Variants in THADA observed in about 807,000 individuals in gnomAD.
THADA encodes THADA armadillo repeat containing, also known as tRNA (32-2'-O)-methyltransferase regulator THADA.
A neutral mutation model predicts 219.8 loss-of-function variants in THADA; 213 were observed. The ratio of observed to expected loss-of-function variants is 0.97; its 90% CI spans 0.87 to 1.09. THADA has a LOEUF of 1.09. Ranked by LOEUF, THADA falls within the 50% of genes least tolerant of loss-of-function variation. The pLI, the probability that THADA is intolerant of heterozygous loss-of-function variation, is 0.00. For missense variants in THADA, 2,956 were observed against 2,311.3 expected (o/e 1.28, Z -5.72); for synonymous variants, 1,018 against 828.9 (o/e 1.23, Z -3.92).
At chr2:43,507,239 T>C (rs567986578) in intron 23 of THADA, among the ~76,000 whole-genome samples, 1 of 152,334 alleles carries the variant, frequency 6.6e-6, no homozygotes, top group Admixed American at 6.5e-5. Context: ...CCACGGCTTT[T>C]TTCTCCCAAA....
At chr2:43,522,749 TAACA>T (rs982062506) in intron 22 of THADA, among the ~76,000 whole-genome samples, 5 of 152,290 alleles carry the variant, frequency 3.3e-5, no homozygotes, top group African/African-American at 1.2e-4. Flanking sequence ...CAGGAATCAT[TAACA>T]AACACTTAGA....
At chr2:43,448,064 TCAAATATAATGC>T (rs1431527256) in intron 26 of THADA, among the ~76,000 whole-genome samples, 1 of 152,184 alleles carries the variant, frequency 6.6e-6, no homozygotes, top group Admixed American at 6.5e-5. Context: ...ATTACTTATT[TCAAATATAATGC>T]CAATTTTTAT....
intron 29 of THADA, among the ~76,000 whole-genome samples, chr2:43,384,439 G>A (rs1176106507): frequency 6.6e-6 from 1 of 152,128 alleles, no homozygotes; most frequent in African/African-American, 2.4e-5. Flanking sequence ...GGTGTGGATT[G>A]TAATTACATT....
chr2:43,371,389 C>T lies in THADA; in HGVS notation c.4227+26582G>A, dbSNP rs981708389. Among the ~76,000 whole-genome samples, 6 of 152,166 alleles carry T rather than the reference C, an allele frequency of 3.9e-5. No homozygotes were observed. The South Asian group carries it at 1.2e-3, about 32-fold the overall frequency. On this transcript the variant is annotated intron_variant, in intron 29 of 37. Transcript: ENST00000405975. ...AATGACATATTATAACATTCTTTTG[C>T]AATGGTGGTTAAATGGTAGAATTTC...
Position 43,556,514 on chromosome 2 carries a change from C to T in THADA, c.2505G>A (p.Glu835=). Residue 835 remains glutamate, a synonymous_variant, in exon 17 of 38, where the codon GAG becomes GAA. Transcript: ENST00000405975. ...KLQGLFQAAL[E]LSTSTKPYDC... Reference sequence around the variant, plus strand: ...CGTATGGTTTGGTGCTTGTGCTGAGCTCCAATGCTGCCTGAAATAAGCCTT... The same window carrying T: ...CGTATGGTTTGGTGCTTGTGCTGAGTTCCAATGCTGCCTGAAATAAGCCTT... 6.2e-7 allele frequency: 1 copy of T among 1,613,836 alleles called. No homozygotes were observed. The highest frequency in any genetic ancestry group is 8.5e-7 in the Non-Finnish European group (1 of 1,179,806).
intron 36 of THADA, among the ~76,000 whole-genome samples, chr2:43,260,152 C>A (rs1301388057): frequency 1.3e-5 from 2 of 152,130 alleles, no homozygotes; most frequent in Non-Finnish European, 2.9e-5. Flanking sequence ...TCCAGCTGGT[C>A]TCGAACTCCT....
At chr2:43,428,076 A>T in intron 28 of THADA, 24 bp downstream of exon 28, 1 of 1,537,178 alleles carries the variant, frequency 6.5e-7, no homozygotes, top group Non-Finnish European at 8.8e-7. Context: ...CAACCTAGAC[A>T]ATTTCTACAC....
intron 22 of THADA, among the ~76,000 whole-genome samples, chr2:43,526,724 C>T (rs1441564267): frequency 6.6e-6 from 1 of 152,100 alleles, no homozygotes; most frequent in Non-Finnish European, 1.5e-5. Context: ...TCACAACATA[C>T]CTTTTGTTAA....
At chr2:43,442,146 G>C (rs993788938) in intron 26 of THADA, among the ~76,000 whole-genome samples, 1 of 152,120 alleles carries the variant, frequency 6.6e-6, no homozygotes, top group African/African-American at 2.4e-5. Flanking sequence ...GGGGAAATTG[G>C]AAACCAAGTC....
At chr2:43,470,590 T>C (rs549981634) in intron 26 of THADA, among the ~76,000 whole-genome samples, 1 of 151,788 alleles carries the variant, frequency 6.6e-6, no homozygotes, top group East Asian at 1.9e-4. Flanking sequence ...ATATACCTTA[T>C]AAAAACTGAA....
At chr2:43,504,466 C>T (rs1284265735) in intron 24 of THADA, among the ~76,000 whole-genome samples, 2 of 152,186 alleles carry the variant, frequency 1.3e-5, no homozygotes, top group African/African-American at 2.4e-5. Context: ...CCTGTGGGCT[C>T]TCTTTAACAC....
intron 31 of THADA, among the ~76,000 whole-genome samples, chr2:43,317,399 T>C (rs1558570348): frequency 6.6e-6 from 1 of 152,224 alleles, no homozygotes; most frequent in Non-Finnish European, 1.5e-5. Context: ...TACTATGTGC[T>C]TAGACGACAA....
chr2:43,552,833 C>T (rs1696904400), intron 17 of THADA, among the ~76,000 whole-genome samples: 2 of 152,076 alleles, frequency 1.3e-5, no homozygotes, highest in Admixed American at 1.3e-4. Flanking sequence ...GAAAACTTAC[C>T]CGTTAGCAGT....
chr2:43,364,891 T>C (rs988810903), intron 29 of THADA, among the ~76,000 whole-genome samples: 4 of 152,200 alleles, frequency 2.6e-5, no homozygotes, highest in Middle Eastern at 6.9e-3. Flanking sequence ...GTAAGAGATT[T>C]AGATTATTGT....
intron 21 of THADA, among the ~76,000 whole-genome samples, chr2:43,531,173 C>T (rs1258762013): frequency 2.6e-5 from 4 of 152,154 alleles, no homozygotes; most frequent in Non-Finnish European, 5.9e-5. Flanking sequence ...CCATTAGAAG[C>T]ATAAGTTCCA....
In THADA at chr2:43,508,748, T is replaced by A. The variant is rs780907489; in HGVS notation, c.3407A>T (p.Glu1136Val). The A allele has an allele frequency of 5.6e-6, 9 of 1,613,622 alleles. No homozygotes were observed. Among genetic ancestry groups the A allele is most frequent in the Non-Finnish European group, 7.6e-6 (9 of 1,179,694 alleles). ...CTCTAAAACACTCCATAGCCACTGT[T>A]CTGGCAGCTTTTGCAGACTCACATT... is the stretch of plus-strand genomic sequence containing the variant. The part of the protein sequence containing the change: ...CPNVSLQKLP[E>V]QWLWSVLEEI... The change falls in exon 23 of 38, where the codon GAA becomes GTA. Residue 1136 changes from glutamate (E) to valine (V), a missense_variant. Transcript: ENST00000405975.
chr2:43,402,269 G>A (rs9677499), intron 28 of THADA, among the ~76,000 whole-genome samples: 1 of 152,002 alleles, frequency 6.6e-6, no homozygotes, highest in Non-Finnish European at 1.5e-5. Flanking sequence ...ATCACAAATC[G>A]GTGGTACCCA....
At chr2:43,322,966 G>A (rs1381113193) in intron 30 of THADA, among the ~76,000 whole-genome samples, 1 of 151,966 alleles carries the variant, frequency 6.6e-6, no homozygotes, top group East Asian at 1.9e-4. Flanking sequence ...GATTACAGGC[G>A]TGAGCCACCG....
At chr2:43,492,730 T>G (rs561213078) in intron 25 of THADA, among the ~76,000 whole-genome samples, 8 of 152,354 alleles carry the variant, frequency 5.3e-5, no homozygotes, top group African/African-American at 1.9e-4. Flanking sequence ...GTCACAAGTC[T>G]ATCATCTGTA....
Sources: gnomAD v4.1 joint callset for allele counts (sites outside exome capture counted in the v4.1 genomes callset) on GRCh38, gnomAD v4.1.1 for gene constraint, MANE v1.5 for transcripts, NCBI Gene and HGNC (gene_info 2026-07-23, HGNC 2026-07-21) for gene names.